The following ELAVL4 variants were observed in gnomAD, a reference collection of about 807,000 sequenced individuals.
The protein encoded by ELAVL4 is ELAV like RNA binding protein 4.
In ELAVL4, 1 loss-of-function variant was observed where a neutral mutation model predicts 35.6. The observed-to-expected ratio is 0.03, with a 90% confidence interval of 0.01 to 0.13. The LOEUF (loss-of-function observed/expected upper bound fraction) is 0.13, where lower values mean the gene tolerates loss of function less well. Ranked by LOEUF, ELAVL4 falls within the 10% of genes least tolerant of loss-of-function variation. ELAVL4 has a pLI of 1.00. For synonymous variants in ELAVL4, 156 were observed against 171.0 expected (o/e 0.91, Z 0.69); for missense variants, 267 against 464.9 (o/e 0.57, Z 3.91).
intron 1 of ELAVL4, among the ~76,000 whole-genome samples, chr1:50,075,832 C>A (rs199686083): frequency 2.0e-5 from 3 of 151,708 alleles, no homozygotes; most frequent in African/African-American, 7.3e-5. Context: ...GAGAGAGAGA[C>A]AGAGAGACAG....
At chr1:50,199,782 A>C (rs1231719388) in intron 6 of ELAVL4, among the ~76,000 whole-genome samples, 2 of 152,224 alleles carry the variant, frequency 1.3e-5, no homozygotes, top group Non-Finnish European at 2.9e-5. Flanking sequence ...GAAACAAAAC[A>C]TTAACAAATA....
intron 1 of ELAVL4, among the ~76,000 whole-genome samples, chr1:50,091,501 G>A (rs1482546988): frequency 6.6e-6 from 1 of 152,166 alleles, no homozygotes; most frequent in Admixed American, 6.5e-5. Flanking sequence ...TAGACCTCAA[G>A]AGTTGAAACC....
chr1:50,193,255 A>T (rs1308093405), intron 3 of ELAVL4, among the ~76,000 whole-genome samples: 1 of 152,168 alleles, frequency 6.6e-6, no homozygotes, highest in African/African-American at 2.4e-5. Context: ...CAAAGGATGG[A>T]ACATAAAAAA....
intron 1 of ELAVL4, among the ~76,000 whole-genome samples, chr1:50,081,240 T>A (rs1426358632): frequency 2.6e-5 from 4 of 152,176 alleles, no homozygotes; most frequent in Non-Finnish European, 4.4e-5. Flanking sequence ...ATTTTTAAAA[T>A]TTGAATGTGG....
chr1:50,190,437 G>T (rs1216580414), intron 3 of ELAVL4, among the ~76,000 whole-genome samples: 5 of 152,226 alleles, frequency 3.3e-5, no homozygotes, highest in Non-Finnish European at 5.9e-5. Context: ...AATGCAGGAA[G>T]ATCTTTTTTC....
intron 1 of ELAVL4, among the ~76,000 whole-genome samples, chr1:50,062,132 T>G (rs1664015027): frequency 6.6e-6 from 1 of 152,186 alleles, no homozygotes; most frequent in South Asian, 2.1e-4. Flanking sequence ...AAGTATCCTT[T>G]GTATCCCAGA....
upstream of ELAVL4, among the ~76,000 whole-genome samples, chr1:50,101,481 AT>A (rs972353070): frequency 9.2e-5 from 14 of 152,176 alleles, no homozygotes; most frequent in African/African-American, 3.1e-4. Context: ...TTTTAAGAAA[AT>A]TTTTTTAAAG....
At chr1:50,142,797 G>A (rs375837911) in intron 1 of ELAVL4, among the ~76,000 whole-genome samples, 5 of 152,084 alleles carry the variant, frequency 3.3e-5, no homozygotes, top group African/African-American at 1.2e-4. Flanking sequence ...GTACATTTTT[G>A]TACCAAAATG....
chr1:50,072,686 A>G (rs1403567340), intron 1 of ELAVL4, among the ~76,000 whole-genome samples: 2 of 152,212 alleles, frequency 1.3e-5, no homozygotes, highest in Non-Finnish European at 2.9e-5. Flanking sequence ...AATGACATAA[A>G]TCATAATCCT....
At chr1:50,067,607 G>C (rs1426698697) in intron 1 of ELAVL4, among the ~76,000 whole-genome samples, 1 of 152,200 alleles carries the variant, frequency 6.6e-6, no homozygotes, top group Non-Finnish European at 1.5e-5. Context: ...GACAAAAATT[G>C]ATTGAGTACC....
chr1:50,073,916 C>T (rs1664643776), intron 1 of ELAVL4, among the ~76,000 whole-genome samples: 3 of 152,186 alleles, frequency 2.0e-5, no homozygotes, highest in Admixed American at 2.0e-4. Context: ...CCTTTAGTTG[C>T]CTTCTGGACA....
intron 1 of ELAVL4, among the ~76,000 whole-genome samples, chr1:50,130,549 A>C (rs899886226): frequency 7.9e-5 from 12 of 152,196 alleles, no homozygotes; most frequent in Non-Finnish European, 1.6e-4. Context: ...TTCCTGTGTA[A>C]CTCAAAGCAC....
chr1:50,193,253 G>A (rs1206592011), intron 3 of ELAVL4, among the ~76,000 whole-genome samples: 1 of 152,000 alleles, frequency 6.6e-6, no homozygotes, highest in African/African-American at 2.4e-5. Flanking sequence ...CACAAAGGAT[G>A]GAACATAAAA....
At chr1:50,192,519 GCACACACACACACACACACACACACA>G (rs5774068) in intron 3 of ELAVL4, among the ~76,000 whole-genome samples, 3 of 140,336 alleles carry the variant, frequency 2.1e-5, no homozygotes, top group African/African-American at 7.9e-5. Flanking sequence ...TTGTGTGCAC[GCACACACACACACACACACACACACA>G]CACACACACA....
chr1:50,110,111 G>A, intron 1 of ELAVL4: 1 of 1,062,554 alleles, frequency 9.4e-7, no homozygotes, highest in Non-Finnish European at 1.4e-6. Flanking sequence ...GTATGTGTGT[G>A]TTTATTAGTA....
chr1:50,071,794 T>G (rs1026296217), intron 1 of ELAVL4, among the ~76,000 whole-genome samples: 1 of 151,972 alleles, frequency 6.6e-6, no homozygotes, highest in Admixed American at 6.6e-5. Context: ...TTTCCTTGGG[T>G]GTAAAATGAG....
chr1:50,190,440 C>A (rs1237105233), intron 3 of ELAVL4, among the ~76,000 whole-genome samples: 1 of 152,150 alleles, frequency 6.6e-6, no homozygotes, highest in Admixed American at 6.5e-5. Flanking sequence ...GCAGGAAGAT[C>A]TTTTTTCTGT....
At chr1:50,197,490 C>G in intron 6 of ELAVL4, 23 bp downstream of exon 6, 1 of 1,557,092 alleles carries the variant, frequency 6.4e-7, no homozygotes, top group Admixed American at 2.0e-5. Context: ...CCACAGATTG[C>G]CAGATGTCCA....
chr1:50,104,379 A>G (rs1666150404), upstream of ELAVL4, among the ~76,000 whole-genome samples: 1 of 152,246 alleles, frequency 6.6e-6, no homozygotes, highest in Admixed American at 6.5e-5. Context: ...TGGTGAGTGT[A>G]CAAATTAGCT....
Sources: gnomAD v4.1 joint callset for allele counts (sites outside exome capture counted in the v4.1 genomes callset) on GRCh38, gnomAD v4.1.1 for gene constraint, MANE v1.5 for transcripts, NCBI Gene and HGNC (gene_info 2026-07-23, HGNC 2026-07-21) for gene names.